The following PITPNC1 variants were observed in gnomAD, a reference collection of about 807,000 sequenced individuals.
PITPNC1 encodes the protein phosphatidylinositol transfer protein cytoplasmic 1.
A neutral mutation model predicts 44.7 loss-of-function variants in PITPNC1; 18 were observed. That is an observed-to-expected ratio of 0.40 (90% confidence interval 0.28 to 0.60). PITPNC1 has a LOEUF of 0.60. Ranked by LOEUF, PITPNC1 falls within the 20% of genes least tolerant of loss-of-function variation. PITPNC1 has a pLI of 0.39. For synonymous variants in PITPNC1, 141 were observed against 149.6 expected (o/e 0.94, Z 0.42); for missense variants, 290 against 418.4 (o/e 0.69, Z 2.68).
At chr17:67,614,842 G>A (rs1466361006) in intron 5 of PITPNC1, among the ~76,000 whole-genome samples, 2 of 151,402 alleles carry the variant, frequency 1.3e-5, no homozygotes, top group Admixed American at 6.6e-5. Context: ...GTGGGACCCC[G>A]TCTCTACTAA....
At chr17:67,468,419 T>TTGG (rs2039459975) in intron 1 of PITPNC1, among the ~76,000 whole-genome samples, 1 of 131,406 alleles carries the variant, frequency 7.6e-6, no homozygotes, top group South Asian at 2.3e-4. Context: ...TTTTTTTTTT[T>TTGG]GAGATGGAGT....
At chr17:67,541,281 G>C (rs535935198) in intron 2 of PITPNC1, among the ~76,000 whole-genome samples, 2 of 152,084 alleles carry the variant, frequency 1.3e-5, no homozygotes, top group Non-Finnish European at 2.9e-5. Flanking sequence ...AAAAACTTCA[G>C]TAGTTTGGAA....
intron 4 of PITPNC1, among the ~76,000 whole-genome samples, 179 bp downstream of exon 4, chr17:67,553,796 C>T (rs1420801795): frequency 2.0e-5 from 3 of 152,204 alleles, no homozygotes; most frequent in African/African-American, 7.2e-5. Context: ...TGAATGTTCT[C>T]ATTTGTTCAA....
chr17:67,655,428 C>T (rs2042252408), intron 6 of PITPNC1, among the ~76,000 whole-genome samples: 1 of 151,860 alleles, frequency 6.6e-6, no homozygotes, highest in South Asian at 2.1e-4. Flanking sequence ...GGCGTGGTGG[C>T]AGGCGCCTGT....
At chr17:67,494,921 T>G (rs1000857437) in intron 1 of PITPNC1, among the ~76,000 whole-genome samples, 1 of 151,614 alleles carries the variant, frequency 6.6e-6, no homozygotes, top group African/African-American at 2.4e-5. Context: ...TGCAGTGAGC[T>G]GTGACTGTGT....
At position 67,501,569 on chromosome 17, in the gene PITPNC1, C is replaced by T. The variant is rs141139167; in HGVS notation, c.49-31233C>T. The stretch of plus-strand genomic sequence containing the variant: ...GGGGCTGGCTGGGTGCGGTGGCTCA[C>T]GCCTGTAATTCCAGCAATTTGAGAG... On this transcript the variant is annotated intron_variant, in intron 1 of 8. Transcript: ENST00000581322. Among the ~76,000 whole-genome samples the T allele has an allele frequency of 5.1e-3, 776 of 152,254 alleles. 2 individuals carry two copies. The highest frequency in any genetic ancestry group is 8.0e-3 in the Non-Finnish European group (544 of 68,028).
At chr17:67,616,404 G>A (rs1185062133) in intron 5 of PITPNC1, among the ~76,000 whole-genome samples, 1 of 152,216 alleles carries the variant, frequency 6.6e-6, no homozygotes, top group Non-Finnish European at 1.5e-5. Flanking sequence ...GCCTCCCAAA[G>A]TGCTGGGGTT....
Position 67,526,407 on chromosome 17 carries a change from G to A in PITPNC1, c.49-6395G>A, listed in dbSNP as rs186524325. Among the ~76,000 whole-genome samples, 394 of 152,228 alleles carry A rather than the reference G, an allele frequency of 2.6e-3. 6 individuals are homozygous for A. The highest frequency in any genetic ancestry group is 9.2e-3 in the African/African-American group (383 of 41,548). On this transcript the variant is annotated intron_variant, in intron 1 of 8. Coordinates refer to ENST00000581322, the MANE Select transcript of PITPNC1 (RefSeq NM_012417.4). Reference sequence around the variant, plus strand: ...TACTGTACTCAGAAGTTTTGGCTTGGGGTTGCCTTTTTAATTCAAGGTTCA... The same window carrying A: ...TACTGTACTCAGAAGTTTTGGCTTGAGGTTGCCTTTTTAATTCAAGGTTCA...
At chr17:67,541,515 A>T (rs1287816708) in intron 2 of PITPNC1, among the ~76,000 whole-genome samples, 1 of 152,072 alleles carries the variant, frequency 6.6e-6, no homozygotes, top group Non-Finnish European at 1.5e-5. Flanking sequence ...TGTGTAATAG[A>T]TTATACAGCT....
In PITPNC1 at chr17:67,675,973, G is replaced by A. The variant is rs556081455; in HGVS notation, c.682+431G>A. 1.8e-4 allele frequency among the ~76,000 whole-genome samples: 28 copies of A among 152,280 alleles called. No individual in the cohort carries two copies. In the East Asian group the frequency reaches 4.8e-3, roughly 26 times the overall value. On this transcript the variant is annotated intron_variant, in intron 8 of 8. Coordinates refer to ENST00000581322, the MANE Select transcript of PITPNC1 (RefSeq NM_012417.4). The stretch of plus-strand genomic sequence containing the variant: ...TGTAATCCCAGCACTTTGGGAGGCC[G>A]AGGCGGGCAGATCACGAGGTCAGGA...
chr17:67,391,060 C>CGTGTGTGTGT (rs80236076), intron 1 of PITPNC1, among the ~76,000 whole-genome samples: 24,543 of 146,690 alleles, frequency 0.17, 2,107 homozygotes, highest in Middle Eastern at 0.27. Context: ...ACTTTTTTAG[C>CGTGTGTGTGT]GTGTGTGTGT....
At chr17:67,471,073 C>T (rs368973157) in intron 1 of PITPNC1, among the ~76,000 whole-genome samples, 26 of 123,394 alleles carry the variant, frequency 2.1e-4, no homozygotes, top group African/African-American at 7.4e-4. Context: ...TGCGGAAGGC[C>T]GCAGGGTCCT....
rs890511558 is a variant in PITPNC1 at position 67,693,308 on chromosome 17, C to T, written c.*420C>T. On this transcript the variant is annotated 3_prime_UTR_variant, in exon 9 of 9. Coordinates refer to ENST00000581322, the MANE Select transcript of PITPNC1 (RefSeq NM_012417.4). Reference sequence around the variant, plus strand: ...CCAAAATACTCTCAGGCATAACATACTTAGCTGTTAAATTTTGAACTGCTA... The same window carrying T: ...CCAAAATACTCTCAGGCATAACATATTTAGCTGTTAAATTTTGAACTGCTA... 1 of 157,218 alleles carries T rather than the reference C, an allele frequency of 6.4e-6. No homozygotes were observed. Among genetic ancestry groups the T allele is most frequent in the African/African-American group, 2.4e-5 (1 of 41,634 alleles). The allele number at this position is 157,218 out of a possible 1,614,324, so 9.7% of individuals were successfully genotyped here.
intron 8 of PITPNC1, among the ~76,000 whole-genome samples, chr17:67,688,967 C>T (rs189625676): frequency 6.6e-6 from 1 of 152,358 alleles, no homozygotes; most frequent in Non-Finnish European, 1.5e-5. Flanking sequence ...CTTTGGGATG[C>T]CAAGGCGGGC....
At chr17:67,584,218 C>T (rs1257661872) in intron 5 of PITPNC1, among the ~76,000 whole-genome samples, 1 of 152,138 alleles carries the variant, frequency 6.6e-6, no homozygotes, top group East Asian at 1.9e-4. Context: ...AACCCCACTC[C>T]ATTCCACTCC....
At chr17:67,492,300 G>A (rs2039875890) in intron 1 of PITPNC1, among the ~76,000 whole-genome samples, 1 of 152,140 alleles carries the variant, frequency 6.6e-6, no homozygotes, top group Non-Finnish European at 1.5e-5. Context: ...GATTACCTAA[G>A]TGGACCCTAA....
chr17:67,403,216 T>TAAAAAAA (rs1567976494), intron 1 of PITPNC1, among the ~76,000 whole-genome samples: 3 of 10,104 alleles, frequency 3.0e-4, no homozygotes, highest in African/African-American at 4.4e-4. Flanking sequence ...ACCTCATCTC[T>TAAAAAAA]ACAAAAAAAA....
At chr17:67,495,309 C>T (rs769184718) in intron 1 of PITPNC1, among the ~76,000 whole-genome samples, 1 of 152,028 alleles carries the variant, frequency 6.6e-6, no homozygotes, top group Non-Finnish European at 1.5e-5. Context: ...CCGTCCGCCT[C>T]AGCCTCCCAA....
intron 2 of PITPNC1, among the ~76,000 whole-genome samples, chr17:67,537,244 A>G (rs182182435): frequency 9.8e-5 from 15 of 152,318 alleles, no homozygotes; most frequent in East Asian, 7.7e-4. Flanking sequence ...AAAACAAGAG[A>G]GAAATAAAGA....
Sources: allele counts gnomAD v4.1 joint callset (sites outside exome capture counted in the v4.1 genomes callset), GRCh38; gene constraint gnomAD v4.1.1; transcripts MANE v1.5; gene names NCBI Gene and HGNC (gene_info 2026-07-23, HGNC 2026-07-21).